The following CNST variants were observed in gnomAD, a reference collection of about 807,000 sequenced individuals.
The protein encoded by CNST is consortin, connexin sorting protein.
A neutral mutation model predicts 72.4 loss-of-function variants in CNST; 39 were observed. That is an observed-to-expected ratio of 0.54 (90% CI 0.42 to 0.70). CNST has a LOEUF of 0.70. Among genes scored for constraint, CNST ranks in the 30% least tolerant of loss-of-function variants. The pLI, the probability that CNST is intolerant of heterozygous loss-of-function variation, is 0.00. For missense variants in CNST, 871 were observed against 868.5 expected (o/e 1.00, Z -0.04); for synonymous variants, 332 against 320.1 (o/e 1.04, Z -0.40).
rs1667461902 is a variant in CNST at position 246,668,201 on chromosome 1, A to G, written c.*2296A>G. On this transcript the variant is annotated 3_prime_UTR_variant, in exon 11 of 11. Coordinates refer to ENST00000366513, the MANE Select transcript of CNST (RefSeq NM_152609.3). ...TGGTGAAAGGATTGTTATTTCACACATGAAAAATTCATCCAGTTTTACTAA... is the reference window on the plus strand; with the variant it reads ...TGGTGAAAGGATTGTTATTTCACACGTGAAAAATTCATCCAGTTTTACTAA... 6.6e-6 allele frequency: 1 copy of G among 152,262 alleles called. No individual in the cohort carries two copies. The highest frequency in any genetic ancestry group is 6.5e-5 in the Admixed American group (1 of 15,288). The allele number at this position is 152,262 out of a possible 1,614,324, so 9.4% of individuals were successfully genotyped here.
At chr1:246,596,180 C>T (rs1040823595) in intron 2 of CNST, among the ~76,000 whole-genome samples, 4 of 151,872 alleles carry the variant, frequency 2.6e-5, no homozygotes, top group African/African-American at 9.7e-5. Context: ...CTTTAAGAAG[C>T]CAAGGTGGAG....
intron 2 of CNST, among the ~76,000 whole-genome samples, chr1:246,614,660 C>T (rs1437403519): frequency 4.6e-5 from 7 of 152,012 alleles, no homozygotes; most frequent in African/African-American, 1.2e-4. Context: ...TTAGTTGGGA[C>T]GGGGTTTCAC....
chr1:246,658,504 C>T (rs1666887633), intron 9 of CNST, among the ~76,000 whole-genome samples: 1 of 151,896 alleles, frequency 6.6e-6, no homozygotes, highest in Non-Finnish European at 1.5e-5. Context: ...TTCTATAGAC[C>T]CACATTCAGG....
chr1:246,587,596 A>C (rs1379018151), intron 1 of CNST, among the ~76,000 whole-genome samples: 2 of 152,196 alleles, frequency 1.3e-5, no homozygotes, highest in Non-Finnish European at 2.9e-5. Flanking sequence ...AAATAAGCAC[A>C]ATTTGGATGT....
chr1:246,590,951 C>T (rs1273852444), intron 1 of CNST, among the ~76,000 whole-genome samples: 3 of 145,184 alleles, frequency 2.1e-5, no homozygotes, highest in African/African-American at 2.5e-5. Flanking sequence ...AAAAATAAAA[C>T]GATAGTATAA....
intron 2 of CNST, among the ~76,000 whole-genome samples, chr1:246,611,386 C>G (rs981111606): frequency 6.6e-6 from 1 of 152,020 alleles, no homozygotes; most frequent in African/African-American, 2.4e-5. Context: ...TTGAAGCTGC[C>G]TGTTCTGTCA....
Position 246,647,272 on chromosome 1 carries a change from G to A in CNST, c.1071G>A (p.Lys357=). ...CAAGCCTTTCGGTAACTGCAGGAAA[G>A]GACCACATGGAGGAGCTGCTCTGCA... is the stretch of plus-strand genomic sequence containing the variant. ...DSPSLSVTAG[K]DHMEELLCSA... Residue 357 remains lysine (K), a synonymous_variant, in exon 9 of 11, where the codon AAG becomes AAA. Transcript: ENST00000366513. 1 of 1,614,146 alleles carries A rather than the reference G, an allele frequency of 6.2e-7. No individual in the cohort carries two copies. The highest frequency in any genetic ancestry group is 8.5e-7 in the Non-Finnish European group (1 of 1,180,030).
intron 1 of CNST, among the ~76,000 whole-genome samples, chr1:246,571,219 G>C (rs1220497240): frequency 6.6e-6 from 1 of 152,178 alleles, no homozygotes; most frequent in Admixed American, 6.5e-5. Context: ...CGAGATCTCA[G>C]CTCACTGCAA....
intron 1 of CNST, among the ~76,000 whole-genome samples, chr1:246,584,623 G>C (rs1399153246): frequency 6.6e-6 from 1 of 152,198 alleles, no homozygotes; most frequent in African/African-American, 2.4e-5. Context: ...TTTGAAGACA[G>C]TGTATGAAAC....
chr1:246,585,397 A>G (rs903006413), intron 1 of CNST, among the ~76,000 whole-genome samples: 12 of 152,240 alleles, frequency 7.9e-5, no homozygotes, highest in East Asian at 3.9e-4. Flanking sequence ...CTGTAATCCC[A>G]GCACTTTGGG....
chr1:246,619,154 G>GGAA (rs567810948), intron 2 of CNST, among the ~76,000 whole-genome samples: 3 of 145,244 alleles, frequency 2.1e-5, no homozygotes, highest in African/African-American at 7.6e-5. Context: ...AGAGAAAAGG[G>GGAA]AAAAAAAAAA....
At chr1:246,607,822 C>T (rs1662995460) in intron 2 of CNST, 1 of 152,260 alleles carries the variant, frequency 6.6e-6, no homozygotes, top group African/African-American at 2.4e-5. Flanking sequence ...TCTTTCAACG[C>T]TTACAATCCC....
chr1:246,602,511 C>G (rs941995679), intron 2 of CNST, among the ~76,000 whole-genome samples: 2 of 152,236 alleles, frequency 1.3e-5, no homozygotes, highest in Non-Finnish European at 2.9e-5. Context: ...ACCATGACAG[C>G]TGGCTTCCTC....
intron 2 of CNST, among the ~76,000 whole-genome samples, chr1:246,609,538 T>TG (rs1276421377): frequency 6.6e-6 from 1 of 152,130 alleles, no homozygotes; most frequent in African/African-American, 2.4e-5. Context: ...GATCATGCCA[T>TG]GGCACTCCAG....
intron 9 of CNST, among the ~76,000 whole-genome samples, chr1:246,649,364 T>C (rs1001224269): frequency 6.6e-6 from 1 of 152,206 alleles, no homozygotes; most frequent in Non-Finnish European, 1.5e-5. Context: ...TTTTCCACAA[T>C]GTTAAAAATA....
intron 1 of CNST, 76 bp from the exon 2 acceptor site, chr1:246,591,435 GA>G: frequency 6.7e-6 from 7 of 1,045,212 alleles, no homozygotes; most frequent in Non-Finnish European, 9.8e-6. Context: ...CAACCTAAGA[GA>G]AGGGGAAAAT....
chr1:246,655,909 C>A (rs1383590977), intron 9 of CNST, among the ~76,000 whole-genome samples: 1 of 152,090 alleles, frequency 6.6e-6, no homozygotes. Flanking sequence ...AAAATGTACA[C>A]ATTTACTAAA....
At chr1:246,650,639 T>G (rs1368409727) in intron 9 of CNST, among the ~76,000 whole-genome samples, 6 of 151,982 alleles carry the variant, frequency 3.9e-5, no homozygotes, top group African/African-American at 1.2e-4. Flanking sequence ...TTTTAAAAAT[T>G]TCTTTTAGAT....
chr1:246,620,930 A>C (rs1664052085), intron 2 of CNST, among the ~76,000 whole-genome samples: 1 of 152,272 alleles, frequency 6.6e-6, no homozygotes, highest in South Asian at 2.1e-4. Flanking sequence ...TCGTGCATAC[A>C]CACGGTATTA....
Sources: gnomAD v4.1 joint callset for allele counts (sites outside exome capture counted in the v4.1 genomes callset) on GRCh38, gnomAD v4.1.1 for gene constraint, MANE v1.5 for transcripts, NCBI Gene and HGNC (gene_info 2026-07-23, HGNC 2026-07-21) for gene names.